Variants in PCID2 observed in about 807,000 individuals in gnomAD.
PCID2 encodes the protein PCI domain-containing protein 2.
Under a neutral mutation model 61.3 loss-of-function variants are expected in PCID2, and 41 were observed. That is an observed-to-expected ratio of 0.67 (90% CI 0.52 to 0.87). PCID2 has a LOEUF of 0.87. Among genes scored for constraint, PCID2 ranks in the 40% least tolerant of loss-of-function variants. PCID2 has a pLI of 0.00. For missense variants in PCID2, 392 were observed against 493.4 expected (o/e 0.79, Z 1.95); for synonymous variants, 187 against 177.8 (o/e 1.05, Z -0.41).
chr13:113,174,072 C>CA (rs572076571), downstream of PCID2, among the ~76,000 whole-genome samples: 1,744 of 137,174 alleles, frequency 0.013, 31 homozygotes, highest in African/African-American at 0.037. Flanking sequence ...ACTAAAAATA[C>CA]AAAAAAAAAA....
At chr13:113,173,593 C>T (rs2037149181), downstream of PCID2, among the ~76,000 whole-genome samples, 1 of 152,182 alleles carries the variant, frequency 6.6e-6, no homozygotes, top group African/African-American at 2.4e-5. Context: ...TTCATTTACG[C>T]TTTAACCCCA....
chr13:113,180,946 T>A (rs2037575759), intron 10 of PCID2, among the ~76,000 whole-genome samples, 184 bp downstream of exon 10: 1 of 152,234 alleles, frequency 6.6e-6, no homozygotes, highest in African/African-American at 2.4e-5. Context: ...CCTGGAGGCG[T>A]AAGGCATGAA....
At chr13:113,191,862 CG>C (rs1263497550) in intron 6 of PCID2, among the ~76,000 whole-genome samples, 2 of 152,166 alleles carry the variant, frequency 1.3e-5, no homozygotes, top group Admixed American at 1.3e-4. Flanking sequence ...GTGCTCCCAC[CG>C]GCACCAAACT....
intron 1 of PCID2, 36 bp from the exon 2 acceptor site, chr13:113,200,552 A>G: frequency 1.5e-6 from 2 of 1,367,936 alleles, no homozygotes; most frequent in Non-Finnish European, 2.1e-6. Flanking sequence ...AGTAGAAAAT[A>G]AAATATTCTG....
intron 2 of PCID2, among the ~76,000 whole-genome samples, chr13:113,199,614 C>A (rs989219592): frequency 6.6e-6 from 1 of 152,064 alleles, no homozygotes; most frequent in Non-Finnish European, 1.5e-5. Flanking sequence ...CAGTGTGTGT[C>A]CTCTCATGTC....
chr13:113,171,835 C>A, the PCID2 span: 1 of 1,613,644 alleles, frequency 6.2e-7, no homozygotes, highest in African/African-American at 1.3e-5. This position sits in a 1 kb window ranked among gnomAD's most constrained non-coding sequence, Gnocchi z 5.1. Context: ...CTGACCTGGG[C>A]AACTCGCTGA....
intron 6 of PCID2, among the ~76,000 whole-genome samples, chr13:113,191,195 TA>T (rs1394501441): frequency 3.3e-5 from 5 of 151,384 alleles, no homozygotes; most frequent in African/African-American, 9.7e-5. Context: ...TTTATTTTAA[TA>T]TTTTTTTCTT....
chr13:113,175,281 C>T (rs990019677), downstream of PCID2, among the ~76,000 whole-genome samples: 2 of 152,142 alleles, frequency 1.3e-5, no homozygotes, highest in African/African-American at 2.4e-5. Flanking sequence ...TTTCTTTCAT[C>T]GCTAAGAATA....
chr13:113,172,200 C>T, the PCID2 span: 1 of 1,514,116 alleles, frequency 6.6e-7, no homozygotes, highest in Non-Finnish European at 9.0e-7. Flanking sequence ...TCATCACACA[C>T]TGAGAGGCCG....
At chr13:113,190,066 C>T (rs557716716) in intron 7 of PCID2, among the ~76,000 whole-genome samples, 51 of 151,670 alleles carry the variant, frequency 3.4e-4, no homozygotes, top group Non-Finnish European at 6.9e-4. Flanking sequence ...CTAACAGCGG[C>T]CTGTGAGGGA....
intron 1 of PCID2, among the ~76,000 whole-genome samples, chr13:113,203,848 C>T (rs1346227957): frequency 6.6e-6 from 1 of 152,228 alleles, no homozygotes; most frequent in Non-Finnish European, 1.5e-5. Context: ...GCAAAACAAC[C>T]GATCCCACCC....
intron 1 of PCID2, chr13:113,207,983 T>C (rs1418316615): frequency 1.9e-6 from 3 of 1,556,604 alleles, no homozygotes; most frequent in Middle Eastern, 1.7e-4. Flanking sequence ...GCGTTGAATC[T>C]TTACAAGTGT....
intron 1 of PCID2, among the ~76,000 whole-genome samples, chr13:113,203,069 T>C (rs1033916363): frequency 2.6e-5 from 4 of 152,222 alleles, no homozygotes; most frequent in Admixed American, 1.3e-4. Context: ...CCTGAACTGC[T>C]TGTGAGTGCA....
intron 3 of PCID2, among the ~76,000 whole-genome samples, chr13:113,197,468 T>C (rs1266341817): frequency 6.6e-6 from 1 of 152,158 alleles, no homozygotes; most frequent in East Asian, 1.9e-4. Flanking sequence ...CACCAGCAGG[T>C]TTATGAGTAA....
intron 1 of PCID2, among the ~76,000 whole-genome samples, chr13:113,207,701 A>C (rs955496813): frequency 2.0e-5 from 3 of 152,226 alleles, no homozygotes; most frequent in South Asian, 2.1e-4. Flanking sequence ...GCTATCAAGT[A>C]CGTATCTTTA....
rs768432699 is a variant in PCID2, at chr13:113,208,050, G to C, written c.36+549C>G. The C allele has an allele frequency of 5.0e-6, 8 of 1,612,652 alleles. No individual in the cohort carries two copies. The Admixed American group carries it at 5.0e-5, about 10-fold the overall frequency. ...AGCTGTTGAACAACATCTGTCAGAC[G>C]CATGTACCGAGCGATATGAAGTGTG... is the stretch of plus-strand genomic sequence containing the variant. On this transcript the variant is annotated intron_variant, in intron 1 of 13. Transcript: ENST00000337344.
At chr13:113,185,329 T>C (rs180863560) in intron 8 of PCID2, among the ~76,000 whole-genome samples, 156 bp downstream of exon 8, 68 of 152,334 alleles carry the variant, frequency 4.5e-4, no homozygotes, top group African/African-American at 4.1e-4. Context: ...TTGCACCTAG[T>C]AGGCATTCAA....
chr13:113,194,921 T>C (rs2038896191), intron 6 of PCID2, 150 bp downstream of exon 6: 7 of 643,002 alleles, frequency 1.1e-5, no homozygotes, highest in Non-Finnish European at 1.7e-5. Context: ...CCAGAAAGAA[T>C]AGTCAATATC....
chr13:113,180,050 G>A lies in PCID2; in HGVS notation c.861-8C>T, dbSNP rs200655647. The stretch of plus-strand genomic sequence containing the variant: ...AGCAGCAGGTTGCCCTCGCTGGTGA[G>A]GGGGGAGGCGCGTCAGAAGGAGGGT... On this transcript the variant is annotated splice_polypyrimidine_tract_variant and splice_region_variant and intron_variant, in intron 11 of 13. Coordinates refer to ENST00000337344, the MANE Select transcript of PCID2 (RefSeq NM_001127202.4). 3.4e-5 allele frequency: 55 copies of A among 1,613,282 alleles called. No homozygotes were observed. The highest frequency in any genetic ancestry group is 4.7e-5 in the Non-Finnish European group (55 of 1,179,784).
Sources: gnomAD v4.1 joint callset for allele counts (sites outside exome capture counted in the v4.1 genomes callset) on GRCh38, gnomAD v4.1.1 for gene constraint, Gnocchi (gnomAD v3.1) non-coding constraint, MANE v1.5 for transcripts, NCBI Gene and HGNC (gene_info 2026-07-23, HGNC 2026-07-21) for gene names.